SENP2: variants seen among roughly 807,000 people sequenced by gnomAD.
The protein encoded by SENP2 is SUMO specific peptidase 2, also known as sentrin-specific protease 2.
A neutral mutation model predicts 86.3 loss-of-function variants in SENP2; 16 were observed. That is an observed-to-expected ratio of 0.19 (90% confidence interval 0.13 to 0.28). The LOEUF is 0.28. Ranked by LOEUF, SENP2 falls within the 10% of genes least tolerant of loss-of-function variation. SENP2 has a pLI of 1.00. For missense variants in SENP2, 552 were observed against 703.0 expected (o/e 0.79, Z 2.43); for synonymous variants, 222 against 238.7 (o/e 0.93, Z 0.64).
At chr3:185,596,606 G>T (rs1265503087) in intron 2 of SENP2, among the ~76,000 whole-genome samples, 1 of 143,462 alleles carries the variant, frequency 7.0e-6, no homozygotes, top group African/African-American at 2.7e-5. Flanking sequence ...GGGTGACAGA[G>T]TAAGACCCTG....
chr3:185,597,811 G>A (rs546260567), intron 2 of SENP2, among the ~76,000 whole-genome samples: 4 of 151,842 alleles, frequency 2.6e-5, no homozygotes, highest in South Asian at 4.2e-4. Flanking sequence ...GCGCCACCAC[G>A]CCCAGCTAAT....
chr3:185,606,204 C>G (rs1301048414), intron 5 of SENP2, 126 bp from the exon 6 acceptor site: 3 of 744,034 alleles, frequency 4.0e-6, no homozygotes, highest in Admixed American at 3.0e-5. Context: ...CATAATTGTA[C>G]TTGTCTGACT....
At chr3:185,609,657 G>A (rs1467366875) in intron 7 of SENP2, among the ~76,000 whole-genome samples, 13 of 151,944 alleles carry the variant, frequency 8.6e-5, no homozygotes, top group Non-Finnish European at 1.8e-4. Flanking sequence ...AACCTCCCCA[G>A]CATACATTTC....
chr3:185,613,423 T>G lies in SENP2; in HGVS notation c.933+15T>G. ...AAAATGAAAGTGTAAGTAAAAATCC[T>G]AGTTACATTTGATACCTGTTTACTT... On this transcript the variant is annotated intron_variant, in intron 10 of 16. Coordinates refer to ENST00000296257, the MANE Select transcript of SENP2 (RefSeq NM_021627.3). The G allele has an allele frequency of 6.6e-7, 1 of 1,521,336 alleles. No individual in the cohort carries two copies. Among genetic ancestry groups the G allele is most frequent in the Admixed American group, 1.7e-5 (1 of 59,452 alleles). 94.2% of individuals were successfully genotyped at this position (1,521,336 alleles called of 1,614,324 possible).
At chr3:185,595,165 A>ACCGAG (rs1722135547) in intron 2 of SENP2, among the ~76,000 whole-genome samples, 1 of 152,206 alleles carries the variant, frequency 6.6e-6, no homozygotes, top group Non-Finnish European at 1.5e-5. Context: ...CTTTTGACAT[A>ACCGAG]ATCTCAGGGG....
Position 185,617,809 on chromosome 3 carries a change from G to C in SENP2, c.1242+198G>C, listed in dbSNP as rs147536418. 1.2e-3 allele frequency among the ~76,000 whole-genome samples: 180 copies of C among 152,198 alleles called. 2 individuals carry two copies. Among genetic ancestry groups the C allele is most frequent in the Non-Finnish European group, 5.9e-4 (40 of 68,022 alleles). On this transcript the variant is annotated intron_variant, in intron 12 of 16. Transcript: ENST00000296257. ...GATTAGCGATGTTTCCCTTTTCTGC[G>C]TCTGTATTTTATTGCATCCACCACT...
Position 185,630,429 on chromosome 3 carries a change from T to C in SENP2, c.*585T>C, listed in dbSNP as rs946426981. On this transcript the variant is annotated 3_prime_UTR_variant, in exon 17 of 17. Transcript: ENST00000296257. ...TTTGGGATTTTTTTTGTTTTTGTTTTTTTGAGGCTCAAAAAATGCTGGGAG... is the reference window on the plus strand; with the variant it reads ...TTTGGGATTTTTTTTGTTTTTGTTTCTTTGAGGCTCAAAAAATGCTGGGAG... 6.5e-6 allele frequency: 1 copy of C among 153,242 alleles called. No homozygotes were observed. Among genetic ancestry groups the C allele is most frequent in the African/African-American group, 2.4e-5 (1 of 41,432 alleles). 9.5% of individuals were successfully genotyped at this position (153,242 alleles called of 1,614,324 possible).
At chr3:185,613,310 G>T (rs748258461) in intron 9 of SENP2, 35 bp from the exon 10 acceptor site, 3 of 1,213,482 alleles carry the variant, frequency 2.5e-6, no homozygotes, top group East Asian at 2.3e-5. Flanking sequence ...GAATCATCTA[G>T]CAGAAGTCTA....
rs115525345 is a variant in SENP2 at position 185,593,248 on chromosome 3, G to A, written c.157+3079G>A. Among the ~76,000 whole-genome samples the A allele has an allele frequency of 4.2e-3, 639 of 152,246 alleles. 6 individuals carry two copies. The highest frequency in any genetic ancestry group is 0.014 in the African/African-American group (602 of 41,544). ...AGGGAAAAAAAATGGCTGAAGACAG[G>A]TAGATCAAATTATCGTTCTGTTTTG... On this transcript the variant is annotated intron_variant, in intron 2 of 16. Coordinates refer to ENST00000296257, the MANE Select transcript of SENP2 (RefSeq NM_021627.3).
chr3:185,601,016 G>A (rs13100034), intron 5 of SENP2, among the ~76,000 whole-genome samples, 161 bp downstream of exon 5: 56,836 of 150,064 alleles, frequency 0.38, 11,021 homozygotes, highest in South Asian at 0.56. Flanking sequence ...TGAACTTAGG[G>A]GTGTGTTATA....
In SENP2 at chr3:185,631,177, G is replaced by A. The variant is rs1159492659; in HGVS notation, c.*1333G>A. 3 of 152,160 alleles carry A rather than the reference G, an allele frequency of 2.0e-5. No individual in the cohort carries two copies. Among genetic ancestry groups the A allele is most frequent in the East Asian group, 3.9e-4 (2 of 5,172 alleles). The allele number at this position is 152,160 out of a possible 1,614,324, so 9.4% of individuals were successfully genotyped here. The stretch of plus-strand genomic sequence containing the variant: ...TTGTTCTGGTTCATAAAAGCAAGAG[G>A]TAAAACTGGAAAAATTGTGCACGTG... On this transcript the variant is annotated 3_prime_UTR_variant, in exon 17 of 17. Coordinates refer to ENST00000296257, the MANE Select transcript of SENP2 (RefSeq NM_021627.3).
At position 185,600,875 on chromosome 3, in the gene SENP2, TG is replaced by T; in HGVS notation, c.449+21del. 2.6e-6 allele frequency: 4 copies of T among 1,538,708 alleles called. No homozygotes were observed. The South Asian group carries it at 4.5e-5, about 17-fold the overall frequency. On this transcript the variant is annotated intron_variant, in intron 5 of 16. Coordinates refer to ENST00000296257, the MANE Select transcript of SENP2 (RefSeq NM_021627.3). ...CTTTGGGTAAGTGTTAAATTCTTTC[TG>T]TAAATGGAAACTTAGCATTTATTAG...
chr3:185,618,697 T>C (rs1398146045), intron 12 of SENP2, among the ~76,000 whole-genome samples: 2 of 151,744 alleles, frequency 1.3e-5, no homozygotes, highest in Non-Finnish European at 2.9e-5. Context: ...ACTAACACGG[T>C]GAAACCCCGT....
intron 4 of SENP2, among the ~76,000 whole-genome samples, chr3:185,599,969 G>T (rs1056160060): frequency 2.0e-5 from 3 of 151,964 alleles, no homozygotes; most frequent in African/African-American, 7.2e-5. Context: ...GGCTAATTTT[G>T]TATTTTTAGT....
intron 16 of SENP2, 92 bp from the exon 17 acceptor site, chr3:185,629,690 A>G (rs1712326104): frequency 3.3e-6 from 4 of 1,218,796 alleles, no homozygotes; most frequent in Non-Finnish European, 3.6e-6. Flanking sequence ...AAGCACATGG[A>G]CATCCTGCTT....
rs1000755776 is a variant in SENP2, at chr3:185,631,934, C to A, written c.*2090C>A. ...TTCCATTAACCTACACTCTTCCGGA[C>A]GGCTCTTAAAACTTGCAGGACATAA... On this transcript the variant is annotated 3_prime_UTR_variant, in exon 17 of 17. Coordinates refer to ENST00000296257, the MANE Select transcript of SENP2 (RefSeq NM_021627.3). 1.3e-5 allele frequency: 2 copies of A among 151,580 alleles called. No individual in the cohort carries two copies. The highest frequency in any genetic ancestry group is 2.4e-5 in the African/African-American group (1 of 41,268). 9.4% of individuals were successfully genotyped at this position (151,580 alleles called of 1,614,324 possible).
chr3:185,618,835 C>T (rs746902258), intron 12 of SENP2, among the ~76,000 whole-genome samples: 4 of 152,090 alleles, frequency 2.6e-5, no homozygotes, highest in Non-Finnish European at 4.4e-5. Context: ...GCCGAGATCA[C>T]GCCAGTGGAC....
At position 185,607,775 on chromosome 3, in the gene SENP2, G is replaced by A. The variant is rs141062273; in HGVS notation, c.618+1277G>A. ...TCGTGGGCTCAAGCGATCCTCCAGC[G>A]TCAGCCTCCCAGAGTGCTGGGATTA... On this transcript the variant is annotated intron_variant, in intron 6 of 16. Transcript: ENST00000296257. 5.4e-4 allele frequency among the ~76,000 whole-genome samples: 82 copies of A among 151,284 alleles called. No homozygotes were observed. The Middle Eastern group carries it at 0.01, about 19-fold the overall frequency.
intron 15 of SENP2, 34 bp from the exon 16 acceptor site, chr3:185,626,264 C>A: frequency 1.5e-6 from 2 of 1,360,354 alleles, no homozygotes; most frequent in Non-Finnish European, 2.1e-6. Flanking sequence ...GATGTTTTAC[C>A]CTTTCCTCTC....
Sources: gnomAD v4.1 joint callset for allele counts (sites outside exome capture counted in the v4.1 genomes callset) on GRCh38, gnomAD v4.1.1 for gene constraint, MANE v1.5 for transcripts, NCBI Gene and HGNC (gene_info 2026-07-23, HGNC 2026-07-21) for gene names.